The following XKR9 variants were observed in gnomAD, a reference collection of about 807,000 sequenced individuals.
XKR9 encodes the protein XK related 9.
XKR9 carries 32 observed loss-of-function variants against 32.0 expected under a neutral mutation model. That is an observed-to-expected ratio of 1.00 (90% CI 0.76 to 1.34). XKR9 has a LOEUF of 1.34. Ranked by LOEUF, XKR9 falls within the 40% of genes most tolerant of loss-of-function variation. The pLI is 0.00. For missense variants in XKR9, 546 were observed against 429.7 expected (o/e 1.27, Z -2.39); for synonymous variants, 168 against 143.4 (o/e 1.17, Z -1.22).
the XKR9 span, among the ~76,000 whole-genome samples, chr8:71,003,665 A>G: frequency 6.6e-6 from 1 of 152,162 alleles, no homozygotes; most frequent in Non-Finnish European, 1.5e-5. Flanking sequence ...TAGGCACTTG[A>G]TAAATATTGG....
At chr8:70,880,643 T>C in the XKR9 span, among the ~76,000 whole-genome samples, 2 of 152,132 alleles carry the variant, frequency 1.3e-5, no homozygotes, top group African/African-American at 4.8e-5. Context: ...AATGGAAGAA[T>C]ATTCCATGCT....
At chr8:71,037,435 A>T in the XKR9 span, among the ~76,000 whole-genome samples, 1 of 152,194 alleles carries the variant, frequency 6.6e-6, no homozygotes, top group Non-Finnish European at 1.5e-5. Flanking sequence ...TTTTCATTTT[A>T]TGTATTCGGA....
At chr8:70,744,757 C>CTGTATAGAATGTATATAATATAGA (rs1554553503) in intron 2 of XKR9, among the ~76,000 whole-genome samples, 2 of 150,956 alleles carry the variant, frequency 1.3e-5, no homozygotes, top group Non-Finnish European at 1.5e-5. Flanking sequence ...AGGTGTGCAC[C>CTGTATAGAATGTATATAATATAGA]ACCACGCCTG....
At chr8:70,935,486 G>C in the XKR9 span, among the ~76,000 whole-genome samples, 3 of 151,896 alleles carry the variant, frequency 2.0e-5, no homozygotes, top group Non-Finnish European at 4.4e-5. Context: ...GTAGTAATTT[G>C]TCCTCCCACA....
rs571175392 is a variant in XKR9, at chr8:70,701,236, C to T, written c.273-5697C>T. On this transcript the variant is annotated intron_variant, in intron 3 of 4. Coordinates refer to ENST00000408926, the MANE Select transcript of XKR9 (RefSeq NM_001011720.2). ...CTGGCACTCCCTAGTGAGATGAACA[C>T]GGTACCTCAGACGGAAATGCAGAAA... 1.2e-4 allele frequency among the ~76,000 whole-genome samples: 18 copies of T among 152,304 alleles called. No homozygotes were observed. In the South Asian group the frequency reaches 1.9e-3, roughly 16 times the overall value.
the XKR9 span, among the ~76,000 whole-genome samples, chr8:70,803,348 A>G: frequency 2.6e-5 from 4 of 152,078 alleles, no homozygotes; most frequent in Non-Finnish European, 5.9e-5. Context: ...GTATCATTTT[A>G]TTGTATTTCT....
At position 70,728,699 on chromosome 8, in the gene XKR9, C is replaced by T. The variant is rs559357573; in HGVS notation, c.494-5097C>T. 2.6e-4 allele frequency among the ~76,000 whole-genome samples: 39 copies of T among 152,248 alleles called. 1 individual carries two copies. The highest frequency in any genetic ancestry group is 9.1e-4 in the African/African-American group (38 of 41,548). On this transcript the variant is annotated intron_variant, in intron 4 of 4. Transcript: ENST00000408926. ...GAAGCATAATTTTTCTCTCTCCAGT[C>T]CCCATTTTTATTAAAAGCAAATCAT...
At chr8:70,776,936 T>TCTCTCTCTCTCTCTCTCTCTCTCC (rs1807530417) in intron 2 of XKR9, among the ~76,000 whole-genome samples, 1 of 64,370 alleles carries the variant, frequency 1.6e-5, no homozygotes, top group Non-Finnish European at 2.8e-5. Context: ...TCTCTCTCTC[T>TCTCTCTCTCTCTCTCTCTCTCTCC]CTCTCTCTCT....
chr8:70,796,453 T>A, the XKR9 span, among the ~76,000 whole-genome samples: 1 of 152,184 alleles, frequency 6.6e-6, no homozygotes, highest in Non-Finnish European at 1.5e-5. Flanking sequence ...TTTTAGTAAT[T>A]TGAGTCTTCT....
At chr8:71,023,390 C>T in the XKR9 span, among the ~76,000 whole-genome samples, 3 of 152,056 alleles carry the variant, frequency 2.0e-5, no homozygotes, top group Non-Finnish European at 4.4e-5. Context: ...CGATTGTGTT[C>T]GTGATTTTCT....
At chr8:70,748,794 T>A (rs1402141569) in intron 2 of XKR9, among the ~76,000 whole-genome samples, 3 of 152,226 alleles carry the variant, frequency 2.0e-5, no homozygotes, top group African/African-American at 7.2e-5. Flanking sequence ...TTTTCCAGGC[T>A]TGCCCATGGC....
the XKR9 span, among the ~76,000 whole-genome samples, chr8:70,826,382 G>T: frequency 5.3e-5 from 8 of 152,080 alleles, no homozygotes; most frequent in Admixed American, 3.9e-4. Context: ...CTACCAATTT[G>T]TTGTTTATTC....
chr8:70,765,311 T>G (rs1050092565), intron 2 of XKR9, among the ~76,000 whole-genome samples: 4 of 152,358 alleles, frequency 2.6e-5, no homozygotes, highest in African/African-American at 9.6e-5. Flanking sequence ...GGTATCTCAT[T>G]GTGGTTTTGA....
the XKR9 span, among the ~76,000 whole-genome samples, chr8:71,056,172 G>A: frequency 6.6e-6 from 1 of 152,102 alleles, no homozygotes; most frequent in South Asian, 2.1e-4. Flanking sequence ...TTGGAACAAT[G>A]AAGTTTATTT....
At chr8:70,800,434 A>G in the XKR9 span, among the ~76,000 whole-genome samples, 1 of 152,258 alleles carries the variant, frequency 6.6e-6, no homozygotes, top group African/African-American at 2.4e-5. Context: ...TTTAGGAGGA[A>G]AGGTAGCAGC....
At chr8:70,947,402 A>G in the XKR9 span, among the ~76,000 whole-genome samples, 1 of 152,224 alleles carries the variant, frequency 6.6e-6, no homozygotes, top group Admixed American at 6.5e-5. Context: ...GACTAGAGAA[A>G]GGTCAAAGGA....
At chr8:70,916,857 C>CA in the XKR9 span, among the ~76,000 whole-genome samples, 1 of 149,868 alleles carries the variant, frequency 6.7e-6, no homozygotes, top group Admixed American at 6.7e-5. Flanking sequence ...TTATATCTTT[C>CA]TGTGAAAAAG....
At chr8:70,910,862 C>T in the XKR9 span, among the ~76,000 whole-genome samples, 1 of 152,204 alleles carries the variant, frequency 6.6e-6, no homozygotes, top group Non-Finnish European at 1.5e-5. Flanking sequence ...CTGACGTCCT[C>T]ATTTCCTTGT....
the XKR9 span, among the ~76,000 whole-genome samples, chr8:71,053,971 G>C: frequency 6.6e-6 from 1 of 152,224 alleles, no homozygotes; most frequent in East Asian, 1.9e-4. Flanking sequence ...TTGTTCAACA[G>C]TCTCAGCTAA....
Sources: allele counts gnomAD v4.1 joint callset (sites outside exome capture counted in the v4.1 genomes callset), GRCh38; gene constraint gnomAD v4.1.1; transcripts MANE v1.5; gene names NCBI Gene and HGNC (gene_info 2026-07-23, HGNC 2026-07-21).